MGST1: variants seen among roughly 807,000 people sequenced by gnomAD.
The protein encoded by MGST1 is microsomal glutathione S-transferase 1, also known as glutathione S-transferase 12.
Under a neutral mutation model 8.9 loss-of-function variants are expected in MGST1, and 5 were observed. The ratio of observed to expected loss-of-function variants is 0.56; its 90% CI spans 0.29 to 1.19. MGST1 has a LOEUF of 1.19. Among genes scored for constraint, MGST1 ranks in the 50% most tolerant of loss-of-function variants. The pLI, the probability that MGST1 is intolerant of heterozygous loss-of-function variation, is 0.08. For synonymous variants in MGST1, 54 were observed against 67.8 expected, an observed-to-expected ratio of 0.80 and a Z score of 1.00; for missense variants, 182 against 187.4, an observed-to-expected ratio of 0.97 and a Z score of 0.17.
At chr12:16,486,575 A>G (rs1318555532) in intron 4 of MGST1, among the ~76,000 whole-genome samples, 1 of 152,238 alleles carries the variant, frequency 6.6e-6, no homozygotes, top group Non-Finnish European at 1.5e-5. Context: ...TTAGAAAAAG[A>G]AAATGACTTA....
At chr12:16,511,507 T>C (rs759217583) in intron 4 of MGST1, among the ~76,000 whole-genome samples, 11 of 152,208 alleles carry the variant, frequency 7.2e-5, no homozygotes, top group Non-Finnish European at 1.6e-4. Context: ...AAAAGTCATA[T>C]TGGCAATCTT....
At chr12:16,456,355 T>C (rs1322699490) in intron 4 of MGST1, among the ~76,000 whole-genome samples, 1 of 151,908 alleles carries the variant, frequency 6.6e-6, no homozygotes, top group East Asian at 1.9e-4. Context: ...TATTAATCAT[T>C]AGTTGTCAGA....
At position 16,498,697 on chromosome 12, in the gene MGST1, C is replaced by T. The variant is rs934721037; in HGVS notation, n.483-90831C>T. Among the ~76,000 whole-genome samples, 8 of 152,104 alleles carry T rather than the reference C, an allele frequency of 5.3e-5. No individual in the cohort carries two copies. The South Asian group carries it at 1.0e-3, about 20-fold the overall frequency. ...CCATTTTATGCTCTAACAGGAGACCCGCTTTCCATGATCAAATGATATGTT... is the reference window on the plus strand; with the variant it reads ...CCATTTTATGCTCTAACAGGAGACCTGCTTTCCATGATCAAATGATATGTT... On this transcript the variant is annotated intron_variant and non_coding_transcript_variant, in intron 4 of 4. Transcript: ENST00000538857.
intron 4 of MGST1, among the ~76,000 whole-genome samples, chr12:16,556,104 T>TA (rs1314650164): frequency 1.5e-4 from 23 of 151,870 alleles, no homozygotes; most frequent in Admixed American, 2.6e-4. Flanking sequence ...GCTTTATTCT[T>TA]AAAAAAAAGA....
chr12:16,515,491 A>G (rs1482287187), intron 4 of MGST1, among the ~76,000 whole-genome samples: 1 of 152,032 alleles, frequency 6.6e-6, no homozygotes, highest in African/African-American at 2.4e-5. Context: ...TCAGTCAGGC[A>G]TAGTAGCGGG....
chr12:16,527,400 C>CA (rs1176026492), intron 4 of MGST1, among the ~76,000 whole-genome samples: 2 of 151,920 alleles, frequency 1.3e-5, no homozygotes, highest in East Asian at 1.9e-4. Flanking sequence ...ATCATATTTT[C>CA]AAAAAATCTT....
chr12:16,503,230 G>A lies in MGST1; in HGVS notation n.483-86298G>A, dbSNP rs1213089930. 6.6e-6 allele frequency among the ~76,000 whole-genome samples: 1 copy of A among 152,058 alleles called. No individual in the cohort carries two copies. The highest frequency in any genetic ancestry group is 1.5e-5 in the Non-Finnish European group (1 of 68,016). Reference sequence around the variant, plus strand: ...CCCCACAATAGTTTGGGTTGGACAGGCAATGTAAATATGGATGGTTTCAAG... The same window carrying A: ...CCCCACAATAGTTTGGGTTGGACAGACAATGTAAATATGGATGGTTTCAAG... On this transcript the variant is annotated intron_variant and non_coding_transcript_variant, in intron 4 of 4. Transcript: ENST00000538857. The surrounding 1 kb of genome is among the most constrained non-coding windows in gnomAD (Gnocchi z 4.8).
At chr12:16,515,656 A>G (rs1488280226) in intron 4 of MGST1, among the ~76,000 whole-genome samples, 5 of 152,086 alleles carry the variant, frequency 3.3e-5, no homozygotes, top group Non-Finnish European at 7.4e-5. Flanking sequence ...AGAAAAAAAA[A>G]AGAATAAAGA....
intron 4 of MGST1, among the ~76,000 whole-genome samples, chr12:16,491,105 TG>T (rs1465554575): frequency 2.6e-5 from 4 of 152,312 alleles, no homozygotes; most frequent in Admixed American, 1.3e-4. Flanking sequence ...TCTATGTTTA[TG>T]GTTCAAGCTC....
chr12:16,454,871 CCAAAAAAAAAAAAAAA>C (rs1941159572), intron 4 of MGST1, among the ~76,000 whole-genome samples: 2 of 100,548 alleles, frequency 2.0e-5, no homozygotes, highest in Admixed American at 1.1e-4. Flanking sequence ...TTTAAGTAGA[CCAAAAAAAAAAAAAAA>C]AAAAAAAAAA....
At chr12:16,528,327 G>A (rs967825784) in intron 4 of MGST1, among the ~76,000 whole-genome samples, 9 of 151,926 alleles carry the variant, frequency 5.9e-5, no homozygotes, top group South Asian at 4.1e-4. Flanking sequence ...AGGATTCAGC[G>A]AGGGGAACGT....
intron 1 of MGST1, among the ~76,000 whole-genome samples, chr12:16,426,708 T>G (rs932519798): frequency 1.3e-5 from 2 of 152,056 alleles, no homozygotes; most frequent in African/African-American, 4.8e-5. Context: ...TCCCAGCGCT[T>G]TGGGAGGCCG....
intron 1 of MGST1, among the ~76,000 whole-genome samples, chr12:16,423,592 T>G (rs1940861516): frequency 6.6e-6 from 1 of 152,208 alleles, no homozygotes; most frequent in East Asian, 1.9e-4. Flanking sequence ...TTATTTATCC[T>G]CTAGAATTAT....
At chr12:16,444,034 G>C (rs984671325) in intron 4 of MGST1, among the ~76,000 whole-genome samples, 4 of 151,874 alleles carry the variant, frequency 2.6e-5, no homozygotes, top group Non-Finnish European at 4.4e-5. Flanking sequence ...CGATCAGTCA[G>C]ATAGCGTAGC....
At position 16,401,266 on chromosome 12, in the gene MGST1, A is replaced by T; in HGVS notation, n.778+17662A>T. On this transcript the variant is annotated intron_variant and non_coding_transcript_variant, in intron 1 of 1. Coordinates refer to the MGST1 transcript ENST00000359720. This position sits in a 1 kb window ranked among gnomAD's most constrained non-coding sequence, Gnocchi z 4.3. The stretch of plus-strand genomic sequence containing the variant: ...TGGCTTTTTCCCCTCCTTGTTAGTC[A>T]GGTCTGAGAATCCCAAACTGATGCT... 1 of 1,563,090 alleles carries T rather than the reference A, an allele frequency of 6.4e-7. No homozygotes were observed. Among genetic ancestry groups the T allele is most frequent in the East Asian group, 2.2e-5 (1 of 44,542 alleles).
chr12:16,418,714 CT>C (rs1325175455), intron 1 of MGST1, among the ~76,000 whole-genome samples: 3 of 152,054 alleles, frequency 2.0e-5, no homozygotes, highest in Non-Finnish European at 4.4e-5. Context: ...ATTATTTAAC[CT>C]TTGTGTGCCT....
intron 1 of MGST1, among the ~76,000 whole-genome samples, chr12:16,415,985 G>T (rs1940784407): frequency 6.6e-6 from 1 of 152,092 alleles, no homozygotes; most frequent in Admixed American, 6.6e-5. Context: ...CATATGCAGA[G>T]ATTTTGCAAA....
chr12:16,480,673 C>G (rs1049920031), intron 4 of MGST1, among the ~76,000 whole-genome samples: 3 of 152,102 alleles, frequency 2.0e-5, no homozygotes, highest in Non-Finnish European at 4.4e-5. Context: ...GAAACAAAAG[C>G]CAGGGATTGG....
intron 4 of MGST1, among the ~76,000 whole-genome samples, chr12:16,471,910 T>TAC (rs970338625): frequency 2.2e-5 from 3 of 135,486 alleles, no homozygotes; most frequent in African/African-American, 5.3e-5. Context: ...AGAGCTCACA[T>TAC]ACACACACAT....
Sources: gnomAD v4.1 joint callset for allele counts (sites outside exome capture counted in the v4.1 genomes callset) on GRCh38, gnomAD v4.1.1 for gene constraint, Gnocchi (gnomAD v3.1) non-coding constraint, MANE v1.5 for transcripts, NCBI Gene and HGNC (gene_info 2026-07-23, HGNC 2026-07-21) for gene names.